IL1RAPL2: variants seen among roughly 807,000 people sequenced by gnomAD.
The protein encoded by IL1RAPL2 is interleukin 1 receptor accessory protein like 2, also known as X-linked interleukin-1 receptor accessory protein-like 2.
IL1RAPL2 carries 3 observed loss-of-function variants against 44.1 expected under a neutral mutation model. The observed-to-expected ratio is 0.07, with a 90% CI of 0.03 to 0.18. The LOEUF (loss-of-function observed/expected upper bound fraction) is 0.18. IL1RAPL2 is among the 10% of genes least tolerant of loss of function. IL1RAPL2 has a pLI of 1.00. For synonymous variants in IL1RAPL2, 181 were observed against 178.8 expected (o/e 1.01, Z -0.10); for missense variants, 391 against 496.4 (o/e 0.79, Z 2.02).
intron 5 of IL1RAPL2, among the ~76,000 whole-genome samples, chrX:105,448,050 A>T (rs1268975649): frequency 9.4e-6 from 1 of 106,384 alleles, no homozygotes; most frequent in Non-Finnish European, 1.9e-5. Context: ...AGCACTTTAA[A>T]TATGTCATTT....
intron 1 of IL1RAPL2, 92 bp from the exon 2 acceptor site, chrX:104,658,803 T>A (rs1216846311): frequency 3.6e-6 from 2 of 557,714 alleles, no homozygotes; most frequent in Non-Finnish European, 3.0e-6. Context: ...GTTTCTCTAA[T>A]GGAGTTTTGA....
intron 2 of IL1RAPL2, among the ~76,000 whole-genome samples, chrX:104,738,280 A>T (rs1046006261): frequency 8.9e-6 from 1 of 112,199 alleles, no homozygotes; most frequent in Non-Finnish European, 1.9e-5. Context: ...GCTTCTAAAA[A>T]TAGGATAAGC....
At chrX:104,807,717 A>G (rs1932932848) in intron 2 of IL1RAPL2, among the ~76,000 whole-genome samples, 1 of 111,176 alleles carries the variant, frequency 9.0e-6, no homozygotes, top group Non-Finnish European at 1.9e-5. Context: ...GGATTCCACT[A>G]TAGTATATAG....
At chrX:105,765,989 G>A in intron 10 of IL1RAPL2, among the ~76,000 whole-genome samples, 1 of 112,421 alleles carries the variant, frequency 8.9e-6, no homozygotes, top group Non-Finnish European at 1.9e-5. Context: ...TAGCACCTGT[G>A]TCTAAGTCTC....
intron 2 of IL1RAPL2, among the ~76,000 whole-genome samples, chrX:104,815,303 A>G (rs1203293878): frequency 1.8e-5 from 2 of 111,685 alleles, no homozygotes; most frequent in African/African-American, 6.5e-5. Context: ...CTGAGAAAAA[A>G]ACAAGATGTG....
chrX:104,804,441 G>A (rs955130444), intron 2 of IL1RAPL2: 2 of 111,841 alleles, frequency 1.8e-5, no homozygotes, highest in Non-Finnish European at 1.9e-5. Context: ...CTTCTTTTAG[G>A]TGCAGGGCCC....
At chrX:105,556,911 A>T (rs1389054368) in intron 6 of IL1RAPL2, among the ~76,000 whole-genome samples, 1 of 112,047 alleles carries the variant, frequency 8.9e-6, no homozygotes, top group Non-Finnish European at 1.9e-5. Context: ...AGACAGCAAA[A>T]ATCCTTATTT....
At chrX:105,220,636 GT>G (rs2033952468) in intron 3 of IL1RAPL2, 2 of 324,658 alleles carry the variant, frequency 6.2e-6, no homozygotes, top group Admixed American at 1.0e-4. Context: ...CAACCCCGCT[GT>G]CTTAACACGC....
intron 1 of IL1RAPL2, among the ~76,000 whole-genome samples, chrX:104,619,113 A>G (rs186652173): frequency 1.1e-4 from 12 of 111,645 alleles, no homozygotes; most frequent in Admixed American, 3.8e-4. Flanking sequence ...TACTTCTGAA[A>G]CCCTTTCCAC....
At chrX:104,747,616 G>A (rs1932197947) in intron 2 of IL1RAPL2, among the ~76,000 whole-genome samples, 1 of 111,131 alleles carries the variant, frequency 9.0e-6, no homozygotes, top group African/African-American at 3.3e-5. Context: ...AATGCCTCCT[G>A]AGGAAGTAAT....
intron 5 of IL1RAPL2, among the ~76,000 whole-genome samples, chrX:105,321,963 G>A (rs1202010870): frequency 8.9e-6 from 1 of 112,852 alleles, no homozygotes; most frequent in African/African-American, 3.2e-5. Flanking sequence ...AGCCCTAGCA[G>A]GCCAAGGGGC....
intron 2 of IL1RAPL2, among the ~76,000 whole-genome samples, chrX:104,725,945 G>A (rs763466296): frequency 3.8e-4 from 42 of 111,189 alleles, no homozygotes; most frequent in South Asian, 3.0e-3. Context: ...TGTTTTAATC[G>A]TGAAGTCTTT....
intron 5 of IL1RAPL2, among the ~76,000 whole-genome samples, chrX:105,389,271 G>A (rs1188111985): frequency 8.9e-6 from 1 of 112,129 alleles, no homozygotes; most frequent in Non-Finnish European, 1.9e-5. Context: ...CCAACCAACA[G>A]TTGGCACTTA....
At chrX:105,481,112 G>A (rs1401381925) in intron 5 of IL1RAPL2, among the ~76,000 whole-genome samples, 1 of 111,741 alleles carries the variant, frequency 8.9e-6, no homozygotes, top group Non-Finnish European at 1.9e-5. Flanking sequence ...CATTGGACTA[G>A]GAACCCTAGT....
chrX:105,396,842 G>A (rs1047034238), intron 5 of IL1RAPL2, among the ~76,000 whole-genome samples: 3 of 110,822 alleles, frequency 2.7e-5, no homozygotes, highest in African/African-American at 3.3e-5. Context: ...ATATTAGTTA[G>A]TACATAAGTT....
intron 2 of IL1RAPL2, among the ~76,000 whole-genome samples, chrX:104,908,464 G>T (rs1473770828): frequency 9.0e-6 from 1 of 111,286 alleles, no homozygotes; most frequent in Non-Finnish European, 1.9e-5. Context: ...TCCATGTTTA[G>T]CACTTCCTTC....
intron 2 of IL1RAPL2, among the ~76,000 whole-genome samples, chrX:104,727,168 A>G (rs758927459): frequency 9.0e-6 from 1 of 111,164 alleles, no homozygotes; most frequent in East Asian, 2.8e-4. Context: ...TGAACAGATA[A>G]CTTGCAAAAT....
intron 2 of IL1RAPL2, among the ~76,000 whole-genome samples, chrX:104,684,086 C>T (rs752473558): frequency 8.0e-5 from 9 of 111,921 alleles, no homozygotes; most frequent in African/African-American, 2.3e-4. Context: ...ACGATTAGTG[C>T]TCCTAATAGG....
intron 2 of IL1RAPL2, among the ~76,000 whole-genome samples, chrX:104,678,385 A>C (rs1184255842): frequency 1.8e-5 from 2 of 112,150 alleles, no homozygotes; most frequent in African/African-American, 6.5e-5. Context: ...TATGCAGTAG[A>C]ATGACAATAT....
Sources: allele counts gnomAD v4.1 joint callset (sites outside exome capture counted in the v4.1 genomes callset), GRCh38; gene constraint gnomAD v4.1.1; transcripts MANE v1.5; gene names NCBI Gene and HGNC (gene_info 2026-07-23, HGNC 2026-07-21).